Variants in NUP214 observed in about 807,000 individuals in gnomAD.
The protein encoded by NUP214 is nucleoporin 214, also known as nuclear pore complex protein Nup214.
Under a neutral mutation model 196.2 loss-of-function variants are expected in NUP214, and 79 were observed. That is an observed-to-expected ratio of 0.40 (90% confidence interval 0.34 to 0.49). NUP214 has a LOEUF of 0.49. Ranked by LOEUF, NUP214 falls within the 20% of genes least tolerant of loss-of-function variation. NUP214 has a pLI of 0.58. For synonymous variants in NUP214, 1,020 were observed against 990.5 expected, an observed-to-expected ratio of 1.03 and a Z score of -0.56; for missense variants, 2,468 against 2,539.0, an observed-to-expected ratio of 0.97 and a Z score of 0.60.
chr9:131,226,009 G>A (rs1834709737), intron 32 of NUP214, among the ~76,000 whole-genome samples: 1 of 152,176 alleles, frequency 6.6e-6, no homozygotes, highest in African/African-American at 2.4e-5. Flanking sequence ...AGGGAGGCAG[G>A]CAGGGGATGA....
chr9:131,176,710 A>G (rs1833131630), intron 23 of NUP214, among the ~76,000 whole-genome samples: 1 of 152,184 alleles, frequency 6.6e-6, no homozygotes. Flanking sequence ...ACATTTCGTC[A>G]GTGGCTTGTC....
Position 131,197,339 on chromosome 9 carries a change from A to ACAC in NUP214, c.3850_3852dup (p.Thr1284dup), listed in dbSNP as rs1833815273. On this transcript the variant is annotated inframe_insertion, in exon 29 of 36. Transcript: ENST00000359428. ...CCCTCAGGAATCACATCCGCATCAA[A>ACAC]CACCACCCCAGGAGAACCTGCCGCA... 6.2e-7 allele frequency: 1 copy of ACAC among 1,614,154 alleles called. No homozygotes were observed. Among genetic ancestry groups the ACAC allele is most frequent in the East Asian group, 2.2e-5 (1 of 44,882 alleles).
chr9:131,133,309 T>G (rs894220580), intron 7 of NUP214, 100 bp downstream of exon 7: 13 of 639,040 alleles, frequency 2.0e-5, no homozygotes, highest in Non-Finnish European at 2.5e-5. Flanking sequence ...TTTGTGTTTT[T>G]TTTTTTTTTT....
chr9:131,233,539 C>A lies in NUP214; in HGVS notation c.*52C>A, dbSNP rs369466855. 1 of 1,608,084 alleles carries A rather than the reference C, an allele frequency of 6.2e-7. No homozygotes were observed. The highest frequency in any genetic ancestry group is 1.7e-4 in the Middle Eastern group (1 of 6,054). ...CTGGGACCAACCGCATCCTCAGCTT[C>A]TTCCCCGAGAAATGCTGGAGCAGGC... On this transcript the variant is annotated 3_prime_UTR_variant, in exon 36 of 36. Coordinates refer to ENST00000359428, the MANE Select transcript of NUP214 (RefSeq NM_005085.4).
At position 131,133,229 on chromosome 9, in the gene NUP214, T is replaced by A. The variant is rs762178228; in HGVS notation, c.831+20T>A. 2 of 1,437,026 alleles carry A rather than the reference T, an allele frequency of 1.4e-6. No individual in the cohort carries two copies. Among genetic ancestry groups the A allele is most frequent in the Admixed American group, 2.5e-5 (1 of 39,908 alleles). 89.0% of individuals were successfully genotyped at this position (1,437,026 alleles called of 1,614,324 possible). A position where few individuals can be genotyped will look rare whatever the true frequency, so the allele number is the denominator to read the frequency against. On this transcript the variant is annotated intron_variant, in intron 7 of 35. Transcript: ENST00000359428. ...CTACCGGTATGCCTGTGGAAGAAAT[T>A]TCATTGTTTGAGAATTAGAGAAGTC...
rs555409100 is a variant in NUP214 at position 131,223,849 on chromosome 9, G to T, written c.5902+919G>T. Among the ~76,000 whole-genome samples the T allele has an allele frequency of 2.1e-5, 3 of 145,998 alleles. No individual in the cohort carries two copies. In the South Asian group the frequency reaches 6.6e-4, roughly 32 times the overall value. Reference sequence around the variant, plus strand: ...TCCTGGGTTCACGCCATTCTCCTGCGTCAGCCTCCCAAGTAGCTGGGACTA... The same window carrying T: ...TCCTGGGTTCACGCCATTCTCCTGCTTCAGCCTCCCAAGTAGCTGGGACTA... On this transcript the variant is annotated intron_variant, in intron 32 of 35. Transcript: ENST00000359428.
chr9:131,161,477 T>C (rs1314922501), intron 18 of NUP214, among the ~76,000 whole-genome samples: 1 of 152,124 alleles, frequency 6.6e-6, no homozygotes, highest in African/African-American at 2.4e-5. Flanking sequence ...TAGGCTGGTC[T>C]CCAACTCCTG....
chr9:131,197,175 T>G, intron 28 of NUP214, 41 bp from the exon 29 acceptor site: 1 of 1,597,724 alleles, frequency 6.3e-7, no homozygotes, highest in South Asian at 1.1e-5. Context: ...GGTCATCTTT[T>G]GCTAAATCCA....
chr9:131,173,020 G>C (rs1489922040), intron 21 of NUP214, among the ~76,000 whole-genome samples: 1 of 152,116 alleles, frequency 6.6e-6, no homozygotes, highest in Non-Finnish European at 1.5e-5. Context: ...CAGAAGGCCG[G>C]GATTCAGTTC....
chr9:131,197,719 G>A lies in NUP214; in HGVS notation c.4225G>A (p.Ala1409Thr), dbSNP rs1833831291. The change falls in exon 29 of 36, where the codon GCC becomes ACC. Residue 1409 changes from alanine (A) to threonine (T), a missense_variant. Transcript: ENST00000359428. ...AGCAGCCACCAGCACTTCCTCAACT[G>A]CCGTTTTTGGCAGTCTGCCAGTCAC... ...PPAATSTSST[A>T]VFGSLPVTSA... is the part of the protein sequence containing the mutation. 1.9e-6 allele frequency: 3 copies of A among 1,614,068 alleles called. No individual in the cohort carries two copies. Among genetic ancestry groups the A allele is most frequent in the Non-Finnish European group, 2.5e-6 (3 of 1,180,044 alleles).
intron 17 of NUP214, 136 bp downstream of exon 17, chr9:131,152,030 T>G: frequency 1.6e-6 from 1 of 637,332 alleles, no homozygotes; most frequent in South Asian, 2.6e-5. Flanking sequence ...TTACCACATT[T>G]CCCGTAAACT....
chr9:131,175,500 T>C lies in NUP214; in HGVS notation c.3198T>C (p.Asp1066=). Residue 1066 remains aspartate, a synonymous_variant, in exon 23 of 36, where the codon GAT becomes GAC. Coordinates refer to ENST00000359428, the MANE Select transcript of NUP214 (RefSeq NM_005085.4). ...SASKIIPQGA[D]STMLATKTVK... is the part of the protein sequence containing the mutation. ...GCAAAATTATTCCTCAAGGGGCCGA[T>C]AGCACAATGCTTGCCACGAAAACCG... 6.2e-7 allele frequency: 1 copy of C among 1,614,232 alleles called. No individual in the cohort carries two copies. Among genetic ancestry groups the C allele is most frequent in the South Asian group, 1.1e-5 (1 of 91,080 alleles).
chr9:131,192,169 CTTTTTTTT>C (rs66652901), intron 26 of NUP214, 31 bp from the exon 27 acceptor site: 139 of 447,438 alleles, frequency 3.1e-4, no homozygotes, highest in African/African-American at 2.6e-3. Context: ...TTGTAATATT[CTTTTTTTT>C]TTTTTTTTTT....
chr9:131,180,094 G>A (rs1450880403), intron 24 of NUP214, among the ~76,000 whole-genome samples: 1 of 152,206 alleles, frequency 6.6e-6, no homozygotes, highest in Non-Finnish European at 1.5e-5. Flanking sequence ...GTTCATCTGA[G>A]CTGATCTTTG....
chr9:131,181,371 T>A (rs1833273961), intron 24 of NUP214, among the ~76,000 whole-genome samples: 1 of 152,212 alleles, frequency 6.6e-6, no homozygotes, highest in South Asian at 2.1e-4. Context: ...TGGGTATGTA[T>A]GTAGGAGTGG....
chr9:131,130,801 G>C lies in NUP214; in HGVS notation c.628G>C (p.Gly210Arg). Residue 210 changes from glycine to arginine, a missense_variant, in exon 5 of 36, where the codon GGA becomes CGA. Transcript: ENST00000359428. ...CCCCAAAGGAAAGCAGCTGGCAGTG[G>C]GAAAACAGAATGGAACTGTGGTCCA... ...WSPKGKQLAV[G>R]KQNGTVVQYL... The C allele has an allele frequency of 6.2e-7, 1 of 1,614,102 alleles. No homozygotes were observed. Among genetic ancestry groups the C allele is most frequent in the East Asian group, 2.2e-5 (1 of 44,868 alleles).
chr9:131,139,477 T>C lies in NUP214; in HGVS notation c.1132+70T>C. The C allele has an allele frequency of 2.5e-6, 4 of 1,570,634 alleles. No individual in the cohort carries two copies. The South Asian group carries it at 4.8e-5, about 19-fold the overall frequency. ...GTTAGGGTTAATATTGAAACACCAG[T>C]TACATGTTACTGACAGAGTCTACTC... On this transcript the variant is annotated intron_variant, in intron 10 of 35. Transcript: ENST00000359428.
At chr9:131,143,901 C>T (rs1241765859) in intron 11 of NUP214, among the ~76,000 whole-genome samples, 1 of 151,796 alleles carries the variant, frequency 6.6e-6, no homozygotes, top group Non-Finnish European at 1.5e-5. Flanking sequence ...TTTTGAGATA[C>T]CTGTATTTAT....
At chr9:131,213,178 C>CTTT (rs1056468207) in intron 30 of NUP214, among the ~76,000 whole-genome samples, 2 of 141,170 alleles carry the variant, frequency 1.4e-5, no homozygotes, top group Non-Finnish European at 3.1e-5. Context: ...TATCAAATCA[C>CTTT]TTTTTTTTTT....
Sources: allele counts gnomAD v4.1 joint callset (sites outside exome capture counted in the v4.1 genomes callset), GRCh38; gene constraint gnomAD v4.1.1; transcripts MANE v1.5; gene names NCBI Gene and HGNC (gene_info 2026-07-23, HGNC 2026-07-21).